Variants in SLC35F3 observed in about 807,000 individuals in gnomAD.
The protein encoded by SLC35F3 is solute carrier family 35 member F3.
Under a neutral mutation model 49.9 loss-of-function variants are expected in SLC35F3, and 25 were observed. The observed-to-expected ratio is 0.50, with a 90% CI of 0.37 to 0.70. The LOEUF is 0.70. SLC35F3 is among the 30% of genes least tolerant of loss of function. The pLI, the probability that SLC35F3 is intolerant of heterozygous loss-of-function variation, is 0.00. For synonymous variants in SLC35F3, 275 were observed against 265.4 expected (o/e 1.04, Z -0.35); for missense variants, 525 against 639.8 (o/e 0.82, Z 1.94).
chr1:234,013,886 C>T (rs1023785182), intron 2 of SLC35F3, among the ~76,000 whole-genome samples: 2 of 150,954 alleles, frequency 1.3e-5, no homozygotes, highest in Non-Finnish European at 2.9e-5. Flanking sequence ...TTCACTGCTA[C>T]TGCTGAATTC....
intron 2 of SLC35F3, among the ~76,000 whole-genome samples, chr1:234,206,982 C>G (rs1666980332): frequency 6.6e-6 from 1 of 152,134 alleles, no homozygotes; most frequent in African/African-American, 2.4e-5. Context: ...CTTGATTCAC[C>G]CTTGGAAACA....
intron 2 of SLC35F3, among the ~76,000 whole-genome samples, chr1:234,168,886 G>A (rs180845487): frequency 3.2e-4 from 49 of 152,326 alleles, no homozygotes; most frequent in African/African-American, 1.2e-3. Flanking sequence ...TCCTCTCTTG[G>A]AGAGAGATCT....
chr1:234,299,331 T>C (rs1363593830), intron 3 of SLC35F3, among the ~76,000 whole-genome samples: 1 of 152,100 alleles, frequency 6.6e-6, no homozygotes, highest in Non-Finnish European at 1.5e-5. Flanking sequence ...AAACAACCAA[T>C]ACTTTTAGTT....
At chr1:234,005,035 A>G (rs1663608689) in intron 2 of SLC35F3, among the ~76,000 whole-genome samples, 2 of 152,200 alleles carry the variant, frequency 1.3e-5, no homozygotes. Context: ...ATTCTTGATT[A>G]AAAGAATAAA....
chr1:234,083,788 G>T (rs1160147105), intron 2 of SLC35F3, among the ~76,000 whole-genome samples: 3 of 151,884 alleles, frequency 2.0e-5, no homozygotes, highest in Non-Finnish European at 4.4e-5. Flanking sequence ...GCATTGTGAG[G>T]CAGGAGGCAA....
chr1:234,216,780 C>A (rs1281296697), intron 2 of SLC35F3, among the ~76,000 whole-genome samples: 2 of 152,180 alleles, frequency 1.3e-5, no homozygotes, highest in African/African-American at 4.8e-5. Context: ...GAAGGAACAA[C>A]CTACTTCAGC....
chr1:234,216,718 T>A lies in SLC35F3; in HGVS notation c.284-14699T>A, dbSNP rs79441557. The stretch of plus-strand genomic sequence containing the variant: ...AGACTGGGCCCTGCCCCTTTTCCAG[T>A]TGGATTTGTGTAAATCACGAACACA... On this transcript the variant is annotated intron_variant, in intron 2 of 7. Transcript: ENST00000366618. Among the ~76,000 whole-genome samples, 307 of 152,332 alleles carry A rather than the reference T, an allele frequency of 2.0e-3. 3 individuals carry two copies. In the East Asian group the frequency reaches 0.053, roughly 26 times the overall value.
At chr1:233,959,409 G>A (rs1005210558) in intron 2 of SLC35F3, among the ~76,000 whole-genome samples, 1 of 152,104 alleles carries the variant, frequency 6.6e-6, no homozygotes, top group Admixed American at 6.5e-5. Context: ...TCTCCCCAAT[G>A]GCCTTTTCAT....
chr1:234,148,235 C>A (rs536934884), intron 2 of SLC35F3, among the ~76,000 whole-genome samples: 4 of 152,132 alleles, frequency 2.6e-5, no homozygotes, highest in East Asian at 1.9e-4. Flanking sequence ...TTTCCTCTGA[C>A]CTCCTTCACT....
At chr1:233,938,645 G>A (rs1662371556) in intron 2 of SLC35F3, among the ~76,000 whole-genome samples, 2 of 150,524 alleles carry the variant, frequency 1.3e-5, no homozygotes, top group Non-Finnish European at 2.9e-5. Flanking sequence ...TGGATGGATG[G>A]ATGGAAGGAT....
At chr1:234,081,284 G>T (rs1214168254) in intron 2 of SLC35F3, among the ~76,000 whole-genome samples, 1 of 152,216 alleles carries the variant, frequency 6.6e-6, no homozygotes, top group Non-Finnish European at 1.5e-5. Context: ...CCATACAATA[G>T]GTGGAGGTTA....
chr1:234,231,564 G>C lies in SLC35F3; in HGVS notation c.431G>C (p.Cys144Ser). 6.2e-7 allele frequency: 1 copy of C among 1,614,164 alleles called. No homozygotes were observed. Among genetic ancestry groups the C allele is most frequent in the Non-Finnish European group, 8.5e-7 (1 of 1,180,010 alleles). Residue 144 changes from cysteine to serine, a missense_variant, in exon 3 of 8, where the codon TGC becomes TCC. Physicochemically the swap from Cys to Ser is moderately radical, Grantham distance 112 (BLOSUM62 -1). Transcript: ENST00000366618. This position sits in a 1 kb window ranked among gnomAD's most constrained non-coding sequence, Gnocchi z 5.4. Reference protein sequence around the residue: ...KIFWGVAVVLCVCSSWAGSTQ... With the variant: ...KIFWGVAVVLSVCSSWAGSTQ... ...TTCTGGGGCGTGGCGGTCGTGCTGT[G>C]CGTGTGCTCCTCGTGGGCGGGCTCC...
rs1248477137 is a variant in SLC35F3, at chr1:234,029,885, T to TA, written c.283+124134dup. Reference sequence around the variant, plus strand: ...TCAAATAATAATAATAATTAAAAGTTAAAAAAATAAGGATTTGATTCTGTA... The same window carrying TA: ...TCAAATAATAATAATAATTAAAAGTTAAAAAAAATAAGGATTTGATTCTGTA... On this transcript the variant is annotated intron_variant, in intron 2 of 7. Coordinates refer to ENST00000366618, the MANE Select transcript of SLC35F3 (RefSeq NM_173508.4). Among the ~76,000 whole-genome samples the TA allele has an allele frequency of 9.2e-5, 14 of 152,140 alleles. No homozygotes were observed. In the South Asian group the frequency reaches 2.7e-3, roughly 29 times the overall value.
intron 2 of SLC35F3, among the ~76,000 whole-genome samples, chr1:234,158,306 T>C (rs1327857455): frequency 6.6e-6 from 1 of 152,222 alleles, no homozygotes; most frequent in Non-Finnish European, 1.5e-5. Flanking sequence ...CTAATACATA[T>C]CTATTGTAAA....
intron 2 of SLC35F3, among the ~76,000 whole-genome samples, chr1:233,953,830 A>G (rs1662649718): frequency 6.6e-6 from 1 of 152,208 alleles, no homozygotes; most frequent in Admixed American, 6.5e-5. Context: ...CAGGAACAGT[A>G]CTGGAAGGTG....
At chr1:234,287,451 T>C (rs1362699404) in intron 3 of SLC35F3, among the ~76,000 whole-genome samples, 1 of 152,192 alleles carries the variant, frequency 6.6e-6, no homozygotes, top group East Asian at 1.9e-4. Context: ...ACAGGTTGAC[T>C]ATTGAGCCTT....
Position 234,234,039 on chromosome 1 carries a change from A to G in SLC35F3, c.608+2298A>G, listed in dbSNP as rs1457162933. Among the ~76,000 whole-genome samples the G allele has an allele frequency of 3.3e-5, 5 of 152,336 alleles. No homozygotes were observed. The East Asian group carries it at 9.7e-4, about 29-fold the overall frequency. On this transcript the variant is annotated intron_variant, in intron 3 of 7. Coordinates refer to ENST00000366618, the MANE Select transcript of SLC35F3 (RefSeq NM_173508.4). Reference sequence around the variant, plus strand: ...TAACATCACAGACCTTCCTTAGGACATCACAATTCTGTCACAACTCATATT... The same window carrying G: ...TAACATCACAGACCTTCCTTAGGACGTCACAATTCTGTCACAACTCATATT...
chr1:234,285,505 A>C (rs1239954451), intron 3 of SLC35F3: 1 of 379,512 alleles, frequency 2.6e-6, no homozygotes, highest in African/African-American at 2.1e-5. Context: ...GGTGCCATCT[A>C]TGTCTCTGTA....
At chr1:234,171,471 G>A (rs1454576028) in intron 2 of SLC35F3, among the ~76,000 whole-genome samples, 1 of 152,194 alleles carries the variant, frequency 6.6e-6, no homozygotes, top group Non-Finnish European at 1.5e-5. Context: ...GGGTGTCTGT[G>A]CAGTGCCAAT....
Sources: gnomAD v4.1 joint callset for allele counts (sites outside exome capture counted in the v4.1 genomes callset) on GRCh38, gnomAD v4.1.1 for gene constraint, Gnocchi (gnomAD v3.1) non-coding constraint, MANE v1.5 for transcripts, NCBI Gene and HGNC (gene_info 2026-07-23, HGNC 2026-07-21) for gene names.